The following FER variants were observed in gnomAD, a reference collection of about 807,000 sequenced individuals.
FER encodes the protein FER tyrosine kinase.
A neutral mutation model predicts 111.0 loss-of-function variants in FER; 63 were observed. The ratio of observed to expected loss-of-function variants is 0.57; its 90% confidence interval spans 0.46 to 0.70. FER has a LOEUF of 0.70. Ranked by LOEUF, FER falls within the 30% of genes least tolerant of loss-of-function variation. The pLI, the probability that FER is intolerant of heterozygous loss-of-function variation, is 0.00. For missense variants in FER, 914 were observed against 954.0 expected, an observed-to-expected ratio of 0.96 and a Z score of 0.55; for synonymous variants, 327 against 313.9, an observed-to-expected ratio of 1.04 and a Z score of -0.44.
At chr5:108,921,154 C>A (rs1478247946) in intron 10 of FER, among the ~76,000 whole-genome samples, 1 of 152,036 alleles carries the variant, frequency 6.6e-6, no homozygotes, top group Admixed American at 6.6e-5. Context: ...CATTATTTAT[C>A]CTATTGCCTT....
At chr5:108,817,166 A>G (rs1758374982) in intron 3 of FER, among the ~76,000 whole-genome samples, 1 of 144,598 alleles carries the variant, frequency 6.9e-6, no homozygotes, top group Non-Finnish European at 1.5e-5. Context: ...TTGCAGCCAG[A>G]GTTGTGAACC....
intron 18 of FER, among the ~76,000 whole-genome samples, chr5:109,184,302 C>A (rs1215048590): frequency 1.3e-5 from 2 of 152,118 alleles, no homozygotes; most frequent in East Asian, 3.9e-4. Context: ...CCATTAGCTG[C>A]GTGACCCTGG....
chr5:109,069,120 A>G (rs1029491146), intron 16 of FER, among the ~76,000 whole-genome samples: 3 of 132,418 alleles, frequency 2.3e-5, no homozygotes, highest in Admixed American at 7.4e-5. Flanking sequence ...TTTTCTTGAT[A>G]TTTGCAAATA....
chr5:108,749,527 C>T (rs1750209988), intron 1 of FER, among the ~76,000 whole-genome samples: 3 of 152,104 alleles, frequency 2.0e-5, no homozygotes, highest in Non-Finnish European at 4.4e-5. Flanking sequence ...CCCTGGTATT[C>T]CCCCCATCCC....
intron 5 of FER, among the ~76,000 whole-genome samples, chr5:108,863,057 A>G (rs1763687752): frequency 1.3e-5 from 2 of 152,132 alleles, no homozygotes; most frequent in South Asian, 4.1e-4. Context: ...GGTGGGGACA[A>G]AAAGGGGTGA....
chr5:108,891,955 G>A (rs1748143646), intron 9 of FER, among the ~76,000 whole-genome samples: 2 of 152,012 alleles, frequency 1.3e-5, no homozygotes, highest in South Asian at 4.1e-4. Flanking sequence ...TGAGAATGAT[G>A]GTTTCCAGCT....
chr5:109,074,462 A>C (rs560644272), intron 16 of FER, among the ~76,000 whole-genome samples: 1 of 152,358 alleles, frequency 6.6e-6, no homozygotes, highest in African/African-American at 2.4e-5. Context: ...ATAGAAACTC[A>C]ATAAACTCTA....
In FER at chr5:108,908,557, A is replaced by G. The variant is rs147206495; in HGVS notation, c.1236+10709A>G. Among the ~76,000 whole-genome samples the G allele has an allele frequency of 1.4e-4, 22 of 152,246 alleles. No individual in the cohort carries two copies. The East Asian group carries it at 3.5e-3, about 24-fold the overall frequency. On this transcript the variant is annotated intron_variant, in intron 10 of 19. Coordinates refer to ENST00000281092, the MANE Select transcript of FER (RefSeq NM_005246.4). Reference sequence around the variant, plus strand: ...AACCTGAAAAAAGTCATTCCAGCCTATACAATTTGGTTGCTAATCTCTCTA... The same window carrying G: ...AACCTGAAAAAAGTCATTCCAGCCTGTACAATTTGGTTGCTAATCTCTCTA...
At chr5:108,872,292 A>C in intron 8 of FER, 80 bp downstream of exon 8, 1 of 1,336,580 alleles carries the variant, frequency 7.5e-7, no homozygotes, top group Non-Finnish European at 1.0e-6. Flanking sequence ...TAAAATATCA[A>C]TTATTTTTAC....
intron 16 of FER, among the ~76,000 whole-genome samples, chr5:109,082,824 C>T (rs915473486): frequency 6.6e-6 from 1 of 151,806 alleles, no homozygotes. Context: ...AATTTTAGTA[C>T]CTCTAAATTC....
intron 10 of FER, among the ~76,000 whole-genome samples, chr5:108,923,675 A>T (rs1347127966): frequency 6.6e-6 from 1 of 152,188 alleles, no homozygotes; most frequent in Non-Finnish European, 1.5e-5. Flanking sequence ...TTTCCGATTA[A>T]ACATTTATGG....
chr5:109,035,481 T>C (rs181860904), intron 13 of FER, among the ~76,000 whole-genome samples: 110 of 152,348 alleles, frequency 7.2e-4, no homozygotes, highest in African/African-American at 2.3e-3. Flanking sequence ...AGTTCCTTTT[T>C]ATTGCCGAAT....
At chr5:109,007,973 A>G (rs934510073) in intron 13 of FER, among the ~76,000 whole-genome samples, 10 of 152,284 alleles carry the variant, frequency 6.6e-5, no homozygotes, top group African/African-American at 9.6e-5. Context: ...CTACTCTCAT[A>G]GGTATATATA....
chr5:108,840,237 A>G (rs527607081), intron 5 of FER, among the ~76,000 whole-genome samples: 1 of 152,312 alleles, frequency 6.6e-6, no homozygotes, highest in South Asian at 2.1e-4. Context: ...TTAACAATAA[A>G]TAATTCTCTA....
intron 17 of FER, among the ~76,000 whole-genome samples, chr5:109,165,638 G>A (rs1756470085): frequency 1.0e-5 from 1 of 95,988 alleles, no homozygotes; most frequent in Non-Finnish European, 2.4e-5. Context: ...GTGTGTGTGT[G>A]TATACACACA....
chr5:108,883,309 G>A, intron 8 of FER, 87 bp from the exon 9 acceptor site: 2 of 1,285,612 alleles, frequency 1.6e-6, no homozygotes, highest in African/African-American at 1.5e-5. Flanking sequence ...TTTGGACATT[G>A]CAACATAAGA....
intron 5 of FER, among the ~76,000 whole-genome samples, chr5:108,860,535 C>T (rs1309946002): frequency 1.3e-5 from 2 of 152,120 alleles, no homozygotes; most frequent in East Asian, 1.9e-4. Flanking sequence ...GTCAGAACCA[C>T]ACTGAGTAAA....
At chr5:109,019,328 T>G (rs987952465) in intron 13 of FER, among the ~76,000 whole-genome samples, 1 of 151,856 alleles carries the variant, frequency 6.6e-6, no homozygotes, top group African/African-American at 2.4e-5. Flanking sequence ...TAGAAGACAC[T>G]AATATATCCT....
At chr5:109,013,557 T>C (rs1229487844) in intron 13 of FER, among the ~76,000 whole-genome samples, 27 of 149,638 alleles carry the variant, frequency 1.8e-4, no homozygotes, top group African/African-American at 6.4e-4. Flanking sequence ...CATGTGTCTT[T>C]ATAGCAGCAT....
Sources: allele counts gnomAD v4.1 joint callset (sites outside exome capture counted in the v4.1 genomes callset), GRCh38; gene constraint gnomAD v4.1.1; transcripts MANE v1.5; gene names NCBI Gene and HGNC (gene_info 2026-07-23, HGNC 2026-07-21).